The following NRXN3 variants were observed in gnomAD, a reference collection of about 807,000 sequenced individuals.
NRXN3 encodes neurexin 3, also known as neurexin III.
NRXN3 carries 32 observed loss-of-function variants against 137.6 expected under a neutral mutation model. The observed-to-expected ratio is 0.23, with a 90% CI of 0.18 to 0.31. The LOEUF (loss-of-function observed/expected upper bound fraction) is 0.31, where lower values mean the gene tolerates loss of function less well. NRXN3 is among the 10% of genes least tolerant of loss of function. The pLI is 1.00. For missense variants in NRXN3, 1,574 were observed against 2,062.5 expected (o/e 0.76, Z 4.59); for synonymous variants, 798 against 784.5 (o/e 1.02, Z -0.29).
intron 15 of NRXN3, among the ~76,000 whole-genome samples, chr14:79,104,003 T>G (rs1408416145): frequency 6.6e-6 from 1 of 152,156 alleles, no homozygotes; most frequent in Admixed American, 6.5e-5. Context: ...TGTGTACACA[T>G]GTGCACATAA....
In NRXN3 at chr14:78,242,882, A is replaced by G. The variant is rs774744724; in HGVS notation, c.-212A>G. The G allele has an allele frequency of 8.5e-6, 4 of 472,242 alleles. No individual in the cohort carries two copies. The highest frequency in any genetic ancestry group is 5.3e-4 in the Middle Eastern group (1 of 1,872). The allele number at this position is 472,242 out of a possible 1,614,324, so 29.3% of individuals were successfully genotyped here. ...TCTTTTTCTACTGCCTCTTTATTCAATTTCTTGCTTGTGTGCCCCTCTGGG... is the reference window on the plus strand; with the variant it reads ...TCTTTTTCTACTGCCTCTTTATTCAGTTTCTTGCTTGTGTGCCCCTCTGGG... On this transcript the variant is annotated 5_prime_UTR_variant, in exon 2 of 21. Transcript: ENST00000335750.
intron 10 of NRXN3, among the ~76,000 whole-genome samples, chr14:78,910,553 A>G (rs2099234270): frequency 6.6e-6 from 1 of 151,928 alleles, no homozygotes; most frequent in African/African-American, 2.4e-5. Flanking sequence ...CAGGGCTGGC[A>G]ACCTCTAATC....
intron 15 of NRXN3, among the ~76,000 whole-genome samples, chr14:79,056,988 A>G (rs1204932323): frequency 2.0e-5 from 3 of 152,228 alleles, no homozygotes; most frequent in Non-Finnish European, 4.4e-5. Context: ...TGATCTAACT[A>G]TAGCCCAAAG....
intron 15 of NRXN3, among the ~76,000 whole-genome samples, chr14:79,118,856 T>A (rs1307715473): frequency 1.3e-5 from 2 of 152,172 alleles, no homozygotes; most frequent in Non-Finnish European, 2.9e-5. Context: ...TTTATTTTAG[T>A]CCTGTAAGAA....
chr14:79,646,554 T>C (rs2098454146), intron 16 of NRXN3, among the ~76,000 whole-genome samples: 2 of 135,568 alleles, frequency 1.5e-5, no homozygotes, highest in African/African-American at 4.9e-5. Context: ...GCTACTGTGC[T>C]CCACATAACC....
chr14:79,224,416 C>T (rs531978865), intron 15 of NRXN3, among the ~76,000 whole-genome samples: 33 of 152,048 alleles, frequency 2.2e-4, no homozygotes, highest in South Asian at 4.2e-4. Context: ...AATTATAATA[C>T]GATAATATAG....
At chr14:79,031,002 T>C (rs1415537733) in intron 15 of NRXN3, among the ~76,000 whole-genome samples, 1 of 152,106 alleles carries the variant, frequency 6.6e-6, no homozygotes, top group African/African-American at 2.4e-5. Flanking sequence ...TTTCTATTTG[T>C]GACTGCCTTT....
chr14:79,798,231 A>T (rs2099166855), intron 19 of NRXN3, among the ~76,000 whole-genome samples: 1 of 152,216 alleles, frequency 6.6e-6, no homozygotes, highest in South Asian at 2.1e-4. Flanking sequence ...CAAACTTTTC[A>T]AATCTCATTA....
chr14:79,417,959 T>C (rs1403637140), intron 15 of NRXN3, among the ~76,000 whole-genome samples: 1 of 126,720 alleles, frequency 7.9e-6, no homozygotes, highest in African/African-American at 2.7e-5. Context: ...GTAGAGAATA[T>C]ATGGAAAAAA....
Position 78,330,854 on chromosome 14 carries a change from C to T in NRXN3, c.757+32994C>T, listed in dbSNP as rs562930667. The stretch of plus-strand genomic sequence containing the variant: ...ATAACCTCATTAATATCTTTGCAAA[C>T]GAACTGATAGTATATACAAATTTAC... On this transcript the variant is annotated intron_variant, in intron 4 of 20. Transcript: ENST00000335750. Among the ~76,000 whole-genome samples the T allele has an allele frequency of 2.2e-4, 34 of 152,136 alleles. 1 individual carries two copies. The highest frequency in any genetic ancestry group is 3.6e-4 in the African/African-American group (15 of 41,506).
intron 6 of NRXN3, among the ~76,000 whole-genome samples, chr14:78,681,340 T>C (rs1297501813): frequency 6.6e-6 from 1 of 152,132 alleles, no homozygotes; most frequent in Non-Finnish European, 1.5e-5. Flanking sequence ...TGCTTCCAGA[T>C]TTGCAAAATG....
At chr14:79,400,645 C>T (rs538555664) in intron 15 of NRXN3, among the ~76,000 whole-genome samples, 140 of 152,290 alleles carry the variant, frequency 9.2e-4, no homozygotes, top group African/African-American at 2.8e-3. Flanking sequence ...CCCAAACATT[C>T]GTCATTATCA....
intron 8 of NRXN3, among the ~76,000 whole-genome samples, chr14:78,759,126 G>A (rs2098681852): frequency 6.6e-6 from 1 of 152,172 alleles, no homozygotes; most frequent in Non-Finnish European, 1.5e-5. Flanking sequence ...CAGATGTTAG[G>A]CACTTTAGGT....
intron 4 of NRXN3, among the ~76,000 whole-genome samples, chr14:78,463,043 G>A (rs893919950): frequency 4.6e-5 from 7 of 151,916 alleles, no homozygotes; most frequent in African/African-American, 1.7e-4. Context: ...TATTCTACTC[G>A]GTACACCCAC....
chr14:78,942,411 G>A (rs1007549276), intron 10 of NRXN3, among the ~76,000 whole-genome samples: 2 of 152,166 alleles, frequency 1.3e-5, no homozygotes, highest in Admixed American at 6.5e-5. Context: ...AATATCTGGA[G>A]CCCATATGTC....
Position 79,740,180 on chromosome 14 carries a change from G to A in NRXN3, c.4014+42243G>A, listed in dbSNP as rs146517671. ...CCCCTTTATATTCAGTCAACTGACA[G>A]TACCAATATTTCTTCTCTTCTCCTT... On this transcript the variant is annotated intron_variant, in intron 19 of 20. Transcript: ENST00000335750. Among the ~76,000 whole-genome samples the A allele has an allele frequency of 2.6e-5, 4 of 152,232 alleles. No homozygotes were observed. In the East Asian group the frequency reaches 5.8e-4, roughly 22 times the overall value.
chr14:78,192,408 C>A (rs1479885914), intron 1 of NRXN3, among the ~76,000 whole-genome samples: 1 of 152,072 alleles, frequency 6.6e-6, no homozygotes, highest in Non-Finnish European at 1.5e-5. Context: ...ACTGAACTCA[C>A]CATTGCTCTG....
At chr14:78,328,509 T>G (rs1225992818) in intron 4 of NRXN3, among the ~76,000 whole-genome samples, 1 of 152,164 alleles carries the variant, frequency 6.6e-6, no homozygotes, top group Admixed American at 6.5e-5. Context: ...AACAAGAGCT[T>G]GTCTCTGGGA....
intron 16 of NRXN3, among the ~76,000 whole-genome samples, chr14:79,637,888 C>G (rs934773459): frequency 9.6e-6 from 1 of 104,440 alleles, no homozygotes; most frequent in Non-Finnish European, 1.8e-5. Flanking sequence ...CGCCACCATG[C>G]CTGGCTAATA....
Sources: allele counts gnomAD v4.1 joint callset (sites outside exome capture counted in the v4.1 genomes callset), GRCh38; gene constraint gnomAD v4.1.1; transcripts MANE v1.5; gene names NCBI Gene and HGNC (gene_info 2026-07-23, HGNC 2026-07-21).